Variants in SPECC1 observed in about 807,000 individuals in gnomAD.
The protein encoded by SPECC1 is sperm antigen with calponin homology and coiled-coil domains 1.
A neutral mutation model predicts 104.1 loss-of-function variants in SPECC1; 62 were observed. The ratio of observed to expected loss-of-function variants is 0.60; its 90% CI spans 0.49 to 0.74. The LOEUF (loss-of-function observed/expected upper bound fraction) is 0.74. Ranked by LOEUF, SPECC1 falls within the 30% of genes least tolerant of loss-of-function variation. The pLI, the probability that SPECC1 is intolerant of heterozygous loss-of-function variation, is 0.00. For synonymous variants in SPECC1, 513 were observed against 501.6 expected (o/e 1.02, Z -0.30); for missense variants, 1,306 against 1,310.5 (o/e 1.00, Z 0.05).
chr17:20,074,801 G>T (rs1478326781), intron 1 of SPECC1, among the ~76,000 whole-genome samples: 2 of 152,160 alleles, frequency 1.3e-5, no homozygotes, highest in Non-Finnish European at 2.9e-5. Context: ...GCAGGAGAGG[G>T]GGTGCAAAAT....
chr17:20,060,261 CTTGG>C (rs1426322311), intron 1 of SPECC1, among the ~76,000 whole-genome samples: 3 of 152,148 alleles, frequency 2.0e-5, no homozygotes, highest in Admixed American at 2.0e-4. Flanking sequence ...TGAGGAATAA[CTTGG>C]TTGGTTTACT....
intron 2 of SPECC1, among the ~76,000 whole-genome samples, chr17:20,104,984 A>G (rs2048126724): frequency 6.6e-6 from 1 of 152,140 alleles, no homozygotes. Flanking sequence ...AAACAGCTGC[A>G]ATGATGATGT....
intron 3 of SPECC1, chr17:20,113,044 T>A: frequency 1.3e-6 from 1 of 780,990 alleles, no homozygotes; most frequent in Admixed American, 2.0e-5. Flanking sequence ...TCCTTATCAC[T>A]TTTCTTTCTC....
chr17:20,128,929 G>A (rs2152544947), intron 3 of SPECC1, among the ~76,000 whole-genome samples: 1 of 152,210 alleles, frequency 6.6e-6, no homozygotes, highest in South Asian at 2.1e-4. Context: ...GTCACACTCT[G>A]TAACACAGGC....
At chr17:20,028,005 A>C (rs185189209) in intron 1 of SPECC1, among the ~76,000 whole-genome samples, 1 of 152,314 alleles carries the variant, frequency 6.6e-6, no homozygotes, top group East Asian at 1.9e-4. Flanking sequence ...TAACGTCTTT[A>C]AGATTTACCC....
chr17:20,278,571 G>T (rs1026832994), intron 12 of SPECC1, among the ~76,000 whole-genome samples: 3 of 152,188 alleles, frequency 2.0e-5, no homozygotes, highest in South Asian at 2.1e-4. Context: ...GGGCACAGTA[G>T]CTCACACCTG....
intron 3 of SPECC1, among the ~76,000 whole-genome samples, chr17:20,155,173 AC>A (rs1393914645): frequency 6.6e-6 from 1 of 152,178 alleles, no homozygotes; most frequent in Non-Finnish European, 1.5e-5. Context: ...GGAGGAACCA[AC>A]AAAGGGGACT....
Position 20,034,330 on chromosome 17 carries a change from C to A in SPECC1, c.-22+24906C>A, listed in dbSNP as rs1291636434. ...GCCAGGCTGGTCTCGAACTCCTGAC[C>A]GTGTGATCCACCTGCCCCGGCCTCC... On this transcript the variant is annotated intron_variant, in intron 1 of 14. Coordinates refer to ENST00000395527, the MANE Select transcript of SPECC1 (RefSeq NM_001243439.2). Among the ~76,000 whole-genome samples, 16 of 152,072 alleles carry A rather than the reference C, an allele frequency of 1.1e-4. No individual in the cohort carries two copies. The East Asian group carries it at 3.2e-3, about 30-fold the overall frequency.
chr17:20,242,153 T>G (rs1393424036), intron 7 of SPECC1, among the ~76,000 whole-genome samples: 1 of 152,190 alleles, frequency 6.6e-6, no homozygotes, highest in Non-Finnish European at 1.5e-5. Flanking sequence ...AAAATCATCA[T>G]GTACAGGAGC....
chr17:20,193,044 T>C (rs948219069), intron 3 of SPECC1, among the ~76,000 whole-genome samples: 3 of 152,250 alleles, frequency 2.0e-5, no homozygotes, highest in Non-Finnish European at 4.4e-5. Context: ...GGTTGCCCAT[T>C]TTTATGGTTA....
chr17:20,164,223 G>C (rs576244257), intron 3 of SPECC1, among the ~76,000 whole-genome samples: 4 of 150,804 alleles, frequency 2.7e-5, no homozygotes, highest in African/African-American at 9.8e-5. Flanking sequence ...GGCCAGGCTG[G>C]AGTGCAGTGG....
At chr17:20,224,976 A>G (rs1215246568) in intron 4 of SPECC1, among the ~76,000 whole-genome samples, 1 of 152,306 alleles carries the variant, frequency 6.6e-6, no homozygotes, top group East Asian at 1.9e-4. Context: ...TGTTTAATCA[A>G]AGCCCAAGGA....
intron 1 of SPECC1, among the ~76,000 whole-genome samples, chr17:20,027,876 A>G (rs1289439814): frequency 1.3e-5 from 2 of 151,586 alleles, no homozygotes; most frequent in African/African-American, 4.9e-5. Context: ...TTGGCTTTCC[A>G]TTTCTTGATG....
intron 10 of SPECC1, among the ~76,000 whole-genome samples, chr17:20,255,438 T>TA (rs1353501888): frequency 6.6e-6 from 1 of 152,206 alleles, no homozygotes; most frequent in Non-Finnish European, 1.5e-5. Context: ...AAAATTGTGG[T>TA]AAAAGACACA....
At chr17:20,159,381 G>T (rs934862374) in intron 3 of SPECC1, among the ~76,000 whole-genome samples, 1 of 152,212 alleles carries the variant, frequency 6.6e-6, no homozygotes, top group African/African-American at 2.4e-5. Context: ...TCTTGAAAAA[G>T]GGATCCCAGT....
At chr17:20,117,191 AG>A (rs1335216580) in intron 3 of SPECC1, among the ~76,000 whole-genome samples, 1 of 152,136 alleles carries the variant, frequency 6.6e-6, no homozygotes, top group African/African-American at 2.4e-5. Context: ...GTAAGTATTT[AG>A]GAAGGAATAA....
At chr17:20,161,142 C>T (rs1055151914) in intron 3 of SPECC1, among the ~76,000 whole-genome samples, 8 of 152,102 alleles carry the variant, frequency 5.3e-5, no homozygotes, top group African/African-American at 1.9e-4. Flanking sequence ...GCCCGGGAGG[C>T]GGAGGTTGCA....
At chr17:20,029,643 T>C (rs768109817) in intron 1 of SPECC1, among the ~76,000 whole-genome samples, 7 of 152,190 alleles carry the variant, frequency 4.6e-5, no homozygotes, top group Non-Finnish European at 8.8e-5. Flanking sequence ...CTTGAGTAAA[T>C]TTTGGTAGTT....
At chr17:20,112,382 A>G (rs950775680) in intron 3 of SPECC1, 3 of 758,562 alleles carry the variant, frequency 4.0e-6, no homozygotes, top group Admixed American at 1.7e-5. Flanking sequence ...AGAAATGGCA[A>G]TAAAGAATTC....
Sources: gnomAD v4.1 joint callset for allele counts (sites outside exome capture counted in the v4.1 genomes callset) on GRCh38, gnomAD v4.1.1 for gene constraint, MANE v1.5 for transcripts, NCBI Gene and HGNC (gene_info 2026-07-23, HGNC 2026-07-21) for gene names.